The following EDA variants were observed in gnomAD, a reference collection of about 807,000 sequenced individuals.
EDA encodes the protein ectodysplasin-A.
In EDA, 2 loss-of-function variants were observed where a neutral mutation model predicts 23.6. That is an observed-to-expected ratio of 0.08 (90% confidence interval 0.03 to 0.27). The LOEUF is 0.27. Among genes scored for constraint, EDA ranks in the 10% least tolerant of loss-of-function variants. EDA has a pLI of 1.00. For missense variants in EDA, 229 were observed against 324.2 expected (o/e 0.71, Z 2.26); for synonymous variants, 131 against 132.0 (o/e 0.99, Z 0.05).
At chrX:69,784,617 T>C (rs1328691877) in intron 1 of EDA, among the ~76,000 whole-genome samples, 1 of 108,121 alleles carries the variant, frequency 9.2e-6, no homozygotes, top group Non-Finnish European at 1.9e-5. Context: ...TGTGGCGTTA[T>C]TTTTGAGGGC....
intron 1 of EDA, among the ~76,000 whole-genome samples, chrX:69,783,734 T>C (rs2015039789): frequency 9.0e-6 from 1 of 111,393 alleles, no homozygotes; most frequent in African/African-American, 3.3e-5. Flanking sequence ...CTATTGTGAA[T>C]AATGCTGCAA....
intron 2 of EDA, among the ~76,000 whole-genome samples, chrX:70,014,351 A>G (rs1354274035): frequency 4.4e-5 from 5 of 113,012 alleles, no homozygotes; most frequent in Non-Finnish European, 7.5e-5. Context: ...CCCCGATAAA[A>G]TCAAGGACAA....
chrX:69,676,183 C>A (rs184104726), intron 1 of EDA, among the ~76,000 whole-genome samples: 1 of 111,027 alleles, frequency 9.0e-6, no homozygotes, highest in East Asian at 2.9e-4. Context: ...AAATAGGAAA[C>A]CAATGGAGGG....
intron 1 of EDA, among the ~76,000 whole-genome samples, chrX:69,822,251 C>T (rs755490712): frequency 1.2e-3 from 137 of 111,352 alleles, no homozygotes; most frequent in Non-Finnish European, 2.1e-3. Context: ...TGCCACAGCA[C>T]TCCACCTCCA....
chrX:69,902,749 C>T (rs2018116360), intron 1 of EDA, among the ~76,000 whole-genome samples: 1 of 111,038 alleles, frequency 9.0e-6, no homozygotes, highest in African/African-American at 3.3e-5. Flanking sequence ...ATCATTTTGC[C>T]CAGTAAGTTC....
intron 1 of EDA, among the ~76,000 whole-genome samples, chrX:69,953,001 A>G (rs1338337539): frequency 1.8e-5 from 2 of 111,746 alleles, no homozygotes; most frequent in Non-Finnish European, 3.8e-5. Context: ...ATTGTGCTGA[A>G]TAGCCTACCC....
At chrX:69,638,354 A>G (rs1346528995) in intron 1 of EDA, among the ~76,000 whole-genome samples, 1 of 112,220 alleles carries the variant, frequency 8.9e-6, no homozygotes, top group Admixed American at 9.5e-5. Flanking sequence ...TTAGAATTTG[A>G]ATGTTGGCTA....
At chrX:69,622,201 G>A (rs1932212133) in intron 1 of EDA, among the ~76,000 whole-genome samples, 1 of 112,079 alleles carries the variant, frequency 8.9e-6, no homozygotes, top group African/African-American at 3.2e-5. Flanking sequence ...CATGTCTTTT[G>A]GTTACATATG....
rs752830596 is a variant in EDA at position 69,757,299 on chromosome X, A to G, written c.396+140595A>G. ...AGTAATTAAAGGGGGTGCTGCAAAT[A>G]ATTTAGTAAAAAAAAAGAGGGGGAG... On this transcript the variant is annotated intron_variant, in intron 1 of 7. Coordinates refer to ENST00000374552, the MANE Select transcript of EDA (RefSeq NM_001399.5). 1.6e-4 allele frequency among the ~76,000 whole-genome samples: 18 copies of G among 111,720 alleles called. No individual in the cohort carries two copies. The South Asian group carries it at 6.3e-3, about 39-fold the overall frequency.
intron 1 of EDA, among the ~76,000 whole-genome samples, chrX:69,852,735 A>G (rs1450969917): frequency 9.0e-6 from 1 of 111,234 alleles, no homozygotes; most frequent in Non-Finnish European, 1.9e-5. Flanking sequence ...ATGGAAATAC[A>G]TGCCTGTCTC....
intron 1 of EDA, among the ~76,000 whole-genome samples, chrX:69,930,675 C>G (rs6625537): frequency 0.092 from 10,136 of 110,156 alleles, 1,069 homozygotes; most frequent in East Asian, 0.71. Flanking sequence ...AGGTTCTAGC[C>G]AGTGAAATAA....
chrX:69,700,857 G>A (rs1004328052), intron 1 of EDA, among the ~76,000 whole-genome samples: 2 of 111,106 alleles, frequency 1.8e-5, no homozygotes, highest in Admixed American at 9.6e-5. Context: ...TTGGGTTGAT[G>A]CATTGGGTAC....
chrX:69,843,570 G>GT (rs10669639), intron 1 of EDA, among the ~76,000 whole-genome samples: 25,776 of 105,404 alleles, frequency 0.24, 2,675 homozygotes, highest in African/African-American at 0.36. Context: ...TAAGAGATCA[G>GT]TTTTTTTTTT....
At chrX:69,870,859 A>G (rs1004811535) in intron 1 of EDA, among the ~76,000 whole-genome samples, 12 of 111,730 alleles carry the variant, frequency 1.1e-4, no homozygotes, top group African/African-American at 3.3e-4. Flanking sequence ...CTTTCTCTGC[A>G]GGAGATAAGA....
intron 1 of EDA, among the ~76,000 whole-genome samples, chrX:69,828,521 C>T (rs970294615): frequency 1.2e-4 from 13 of 112,104 alleles, no homozygotes; most frequent in East Asian, 2.8e-4. Context: ...TGACCCCTTG[C>T]ACTTCCCAAG....
At chrX:69,961,829 A>G (rs1005579259) in intron 2 of EDA, among the ~76,000 whole-genome samples, 4 of 112,193 alleles carry the variant, frequency 3.6e-5, no homozygotes, top group African/African-American at 1.3e-4. Context: ...AAAGTATGAT[A>G]CCTTCACTGT....
intron 1 of EDA, among the ~76,000 whole-genome samples, chrX:69,764,074 G>A (rs1215576112): frequency 1.9e-5 from 2 of 107,936 alleles, no homozygotes; most frequent in African/African-American, 3.4e-5. Context: ...AGCTGAGGAG[G>A]GGATAATTAG....
At chrX:69,753,124 G>T (rs75028753) in intron 1 of EDA, among the ~76,000 whole-genome samples, 32,606 of 107,662 alleles carry the variant, frequency 0.3, 4,803 homozygotes, top group Middle Eastern at 0.58. Flanking sequence ...GCTAGCTTTT[G>T]AATGTGTTTG....
chrX:69,812,380 C>G (rs2147504109), intron 1 of EDA, among the ~76,000 whole-genome samples: 1 of 112,703 alleles, frequency 8.9e-6, no homozygotes, highest in Admixed American at 9.4e-5. Context: ...AATATTGCCT[C>G]ACAGAAGCTG....
Sources: gnomAD v4.1 joint callset for allele counts (sites outside exome capture counted in the v4.1 genomes callset) on GRCh38, gnomAD v4.1.1 for gene constraint, MANE v1.5 for transcripts, NCBI Gene and HGNC (gene_info 2026-07-23, HGNC 2026-07-21) for gene names.